Variants in SGCZ observed in about 807,000 individuals in gnomAD.
The protein encoded by SGCZ is sarcoglycan zeta, also known as zeta-sarcoglycan.
Under a neutral mutation model 41.3 loss-of-function variants are expected in SGCZ, and 40 were observed. The observed-to-expected ratio is 0.97, with a 90% CI of 0.75 to 1.26. SGCZ has a LOEUF of 1.26. SGCZ is among the 50% of genes most tolerant of loss of function. SGCZ has a pLI of 0.00. For synonymous variants in SGCZ, 206 were observed against 137.5 expected, an observed-to-expected ratio of 1.50 and a Z score of -3.49; for missense variants, 552 against 369.8, an observed-to-expected ratio of 1.49 and a Z score of -4.04.
At chr8:14,718,086 A>G (rs1809751679) in intron 1 of SGCZ, among the ~76,000 whole-genome samples, 1 of 151,494 alleles carries the variant, frequency 6.6e-6, no homozygotes, top group Admixed American at 6.6e-5. Flanking sequence ...ATCACTTTAT[A>G]GAAATGAATA....
intron 4 of SGCZ, among the ~76,000 whole-genome samples, chr8:14,169,715 A>C (rs1472828958): frequency 6.6e-6 from 1 of 152,194 alleles, no homozygotes; most frequent in African/African-American, 2.4e-5. Context: ...AAAGCAATTG[A>C]TTCAAGCATA....
At chr8:14,351,322 G>A (rs960433184) in intron 2 of SGCZ, among the ~76,000 whole-genome samples, 2 of 151,926 alleles carry the variant, frequency 1.3e-5, no homozygotes, top group South Asian at 2.1e-4. Flanking sequence ...TTAACTGTTA[G>A]AAAATTAATG....
At chr8:14,817,394 A>G (rs1475663855) in intron 1 of SGCZ, among the ~76,000 whole-genome samples, 1 of 152,162 alleles carries the variant, frequency 6.6e-6, no homozygotes, top group African/African-American at 2.4e-5. Context: ...CCCTGAATCC[A>G]GTTTGAAGAG....
chr8:14,654,239 A>G (rs1807490114), intron 1 of SGCZ, among the ~76,000 whole-genome samples: 1 of 151,994 alleles, frequency 6.6e-6, no homozygotes, highest in African/African-American at 2.4e-5. Context: ...GAAATTAAAA[A>G]AAAAAAAGGA....
At chr8:14,894,261 G>C (rs777406925) in intron 1 of SGCZ, among the ~76,000 whole-genome samples, 1 of 151,894 alleles carries the variant, frequency 6.6e-6, no homozygotes, top group African/African-American at 2.4e-5. Flanking sequence ...ATTAAGTTAA[G>C]CAACTATAGT....
intron 1 of SGCZ, among the ~76,000 whole-genome samples, chr8:14,637,620 G>C (rs1459941915): frequency 1.3e-5 from 2 of 151,746 alleles, no homozygotes; most frequent in Non-Finnish European, 2.9e-5. Flanking sequence ...ATGGCATCCA[G>C]CTGCGTCCAT....
At chr8:14,441,336 G>A (rs1015050720) in intron 2 of SGCZ, among the ~76,000 whole-genome samples, 1 of 152,176 alleles carries the variant, frequency 6.6e-6, no homozygotes, top group Non-Finnish European at 1.5e-5. Flanking sequence ...CAGCACTTTG[G>A]GAGGCCAAGA....
intron 1 of SGCZ, among the ~76,000 whole-genome samples, chr8:14,846,927 C>T (rs1050498898): frequency 6.6e-6 from 1 of 151,862 alleles, no homozygotes; most frequent in African/African-American, 2.4e-5. Context: ...AAGAAATTAG[C>T]TGGGCGTGGT....
intron 2 of SGCZ, among the ~76,000 whole-genome samples, chr8:14,469,265 G>A (rs1801142143): frequency 6.6e-6 from 1 of 152,054 alleles, no homozygotes; most frequent in African/African-American, 2.4e-5. Flanking sequence ...TGTTGGGCTG[G>A]ATAATTCTTT....
chr8:15,166,065 G>T (rs1055183575), intron 1 of SGCZ, among the ~76,000 whole-genome samples: 1 of 152,002 alleles, frequency 6.6e-6, no homozygotes, highest in African/African-American at 2.4e-5. Flanking sequence ...TTTAAACCTC[G>T]AACATTTAAT....
intron 3 of SGCZ, among the ~76,000 whole-genome samples, chr8:14,251,076 A>C (rs1478654578): frequency 6.6e-6 from 1 of 152,092 alleles, no homozygotes; most frequent in Non-Finnish European, 1.5e-5. Context: ...TAAAGTACAA[A>C]AATTAGCCGG....
At chr8:14,634,966 A>T (rs1447386341) in intron 1 of SGCZ, among the ~76,000 whole-genome samples, 1 of 151,798 alleles carries the variant, frequency 6.6e-6, no homozygotes, top group Non-Finnish European at 1.5e-5. Flanking sequence ...ATGCATTATG[A>T]TATTTAAATG....
At chr8:14,270,829 A>G (rs887785039) in intron 3 of SGCZ, among the ~76,000 whole-genome samples, 1 of 152,208 alleles carries the variant, frequency 6.6e-6, no homozygotes, top group Non-Finnish European at 1.5e-5. Context: ...CTGGATTAAG[A>G]AAATGTGGCA....
intron 1 of SGCZ, among the ~76,000 whole-genome samples, chr8:15,208,894 C>CATATATAT (rs149822249): frequency 0.035 from 5,156 of 146,058 alleles, 141 homozygotes; most frequent in Non-Finnish European, 0.048. Context: ...TATCCCTATA[C>CATATATAT]ATATATATAG....
Position 14,087,468 on chromosome 8 carries a change from T to A in SGCZ, c.*2975A>T, listed in dbSNP as rs779509154. On this transcript the variant is annotated 3_prime_UTR_variant, in exon 8 of 8. Coordinates refer to ENST00000382080, the MANE Select transcript of SGCZ (RefSeq NM_139167.4). ...ATGCTAGCAAAACTACCAACCTCTT[T>A]TTCTTCTTCCGTTTGTTCCTTCCTG... is the stretch of plus-strand genomic sequence containing the variant. Among the ~76,000 whole-genome samples, 2 of 151,668 alleles carry A rather than the reference T, an allele frequency of 1.3e-5. No homozygotes were observed. Among genetic ancestry groups the A allele is most frequent in the African/African-American group, 2.4e-5 (1 of 41,382 alleles).
At chr8:14,812,555 T>G (rs1801767814) in intron 1 of SGCZ, among the ~76,000 whole-genome samples, 1 of 152,118 alleles carries the variant, frequency 6.6e-6, no homozygotes, top group East Asian at 1.9e-4. Flanking sequence ...CTTTCCATAA[T>G]TTGAGACTGA....
At chr8:14,590,209 T>A (rs1239720416) in intron 1 of SGCZ, among the ~76,000 whole-genome samples, 10 of 152,140 alleles carry the variant, frequency 6.6e-5, no homozygotes, top group Non-Finnish European at 1.5e-4. Flanking sequence ...TTAAATATCT[T>A]ATGTCTACTA....
intron 7 of SGCZ, among the ~76,000 whole-genome samples, chr8:14,098,621 T>C (rs1005799523): frequency 1.3e-5 from 2 of 152,172 alleles, no homozygotes; most frequent in African/African-American, 2.4e-5. Context: ...GAGACTGTGG[T>C]GTTTAAGTCT....
chr8:14,764,017 C>A (rs1381804850), intron 1 of SGCZ, among the ~76,000 whole-genome samples: 1 of 152,060 alleles, frequency 6.6e-6, no homozygotes, highest in African/African-American at 2.4e-5. Context: ...CTATCAAGTT[C>A]CTTGGAGAAA....
Sources: gnomAD v4.1 joint callset for allele counts (sites outside exome capture counted in the v4.1 genomes callset) on GRCh38, gnomAD v4.1.1 for gene constraint, MANE v1.5 for transcripts, NCBI Gene and HGNC (gene_info 2026-07-23, HGNC 2026-07-21) for gene names.